PCDHGB4: variants seen among roughly 807,000 people sequenced by gnomAD.
PCDHGB4 encodes the protein protocadherin gamma-B4.
Under a neutral mutation model 60.5 loss-of-function variants are expected in PCDHGB4, and 38 were observed. The observed-to-expected ratio is 0.63, with a 90% confidence interval of 0.48 to 0.82. PCDHGB4 has a LOEUF of 0.82. PCDHGB4 is among the 40% of genes least tolerant of loss of function. The probability of loss-of-function intolerance (pLI) is 0.00; values close to 1 mark genes in which losing one functional copy is unlikely to be tolerated. For synonymous variants in PCDHGB4, 456 were observed against 509.7 expected (o/e 0.89, Z 1.42); for missense variants, 1,109 against 1,209.6 (o/e 0.92, Z 1.23).
chr5:141,404,759 T>C, intron 1 of PCDHGB4: 2 of 1,613,632 alleles, frequency 1.2e-6, no homozygotes, highest in Non-Finnish European at 1.7e-6. Flanking sequence ...CCAGAATGCT[T>C]GGCTCTCCTA....
intron 1 of PCDHGB4, chr5:141,398,682 A>G (rs767093587): frequency 1.4e-5 from 23 of 1,613,842 alleles, no homozygotes; most frequent in Non-Finnish European, 1.9e-5. Flanking sequence ...TTAAGGAGAA[A>G]CAGGATGGTA....
chr5:141,413,302 T>C (rs746274089), intron 1 of PCDHGB4: 2 of 1,613,960 alleles, frequency 1.2e-6, no homozygotes, highest in Non-Finnish European at 8.5e-7. Context: ...TCCTGAGGAA[T>C]TAGAGAAAGG....
chr5:141,406,796 T>C (rs1010773625), intron 1 of PCDHGB4, among the ~76,000 whole-genome samples: 7 of 152,362 alleles, frequency 4.6e-5, no homozygotes, highest in Admixed American at 1.3e-4. Flanking sequence ...TATTTCTGGC[T>C]CAATTCTCCA....
chr5:141,438,635 T>C (rs1325567714), intron 1 of PCDHGB4, among the ~76,000 whole-genome samples: 9 of 33,420 alleles, frequency 2.7e-4, no homozygotes, highest in East Asian at 1.8e-3. Flanking sequence ...TATATATATA[T>C]ACACACACAC....
chr5:141,434,795 T>C (rs1027924206), intron 1 of PCDHGB4, among the ~76,000 whole-genome samples: 2 of 152,004 alleles, frequency 1.3e-5, no homozygotes, highest in African/African-American at 2.4e-5. Context: ...TTTTTTTTTC[T>C]GAGCTTGGAG....
chr5:141,458,394 T>A (rs2098944697), intron 1 of PCDHGB4, among the ~76,000 whole-genome samples: 1 of 152,062 alleles, frequency 6.6e-6, no homozygotes, highest in African/African-American at 2.4e-5. Context: ...ACGCTCCCCC[T>A]TGCAGAGACG....
rs2091455947 is a variant in PCDHGB4, at chr5:141,388,692, G to A, written c.808G>A (p.Asp270Asn). 6.2e-7 allele frequency: 1 copy of A among 1,613,870 alleles called. No individual in the cohort carries two copies. The highest frequency in any genetic ancestry group is 8.5e-7 in the Non-Finnish European group (1 of 1,179,894). ...TVLQVTATDQ[D>N]EGVNAEITFS... is the part of the protein sequence containing the mutation. ...GCTACAGGTGACTGCCACGGACCAG[G>A]ATGAGGGTGTCAATGCCGAGATTAC... The change falls in exon 1 of 4, where the codon GAT (aspartate) becomes AAT (asparagine). Residue 270 changes from aspartate (D) to asparagine (N), a missense_variant. Around this residue, in one of 2 missense-constraint regions of PCDHGB4, gnomAD observed 1,068 missense variants for 1,089.9 expected, o/e 0.98. Coordinates refer to ENST00000519479, the MANE Select transcript of PCDHGB4 (RefSeq NM_003736.4).
At chr5:141,398,797 G>A (rs1338071296) in intron 1 of PCDHGB4, 2 of 1,613,898 alleles carry the variant, frequency 1.2e-6, no homozygotes, top group South Asian at 1.1e-5. Flanking sequence ...ACCCCTAAGC[G>A]GCACCACTGA....
rs901735153 is a variant in PCDHGB4, at chr5:141,388,379, C to T, written c.495C>T (p.Asn165=). 6.2e-7 allele frequency: 1 copy of T among 1,613,998 alleles called. No homozygotes were observed. The highest frequency in any genetic ancestry group is 1.1e-5 in the South Asian group (1 of 91,082). The change falls in exon 1 of 4, where the codon AAC becomes AAT. Residue 165 remains asparagine (N), a synonymous_variant. Coordinates refer to ENST00000519479, the MANE Select transcript of PCDHGB4 (RefSeq NM_003736.4). ...CCCATGATGCGGATATTGGTAGCAA[C>T]ACACTGCAGAATTACCAACTCAGTC... ...GSAHDADIGS[N]TLQNYQLSPS...
At chr5:141,454,313 G>A (rs986902404) in intron 1 of PCDHGB4, among the ~76,000 whole-genome samples, 1 of 152,296 alleles carries the variant, frequency 6.6e-6, no homozygotes, top group Non-Finnish European at 1.5e-5. Context: ...TCAAAGCATT[G>A]AAACCTCCAA....
At chr5:141,413,990 A>G (rs1179968710) in intron 1 of PCDHGB4, 6 of 1,613,434 alleles carry the variant, frequency 3.7e-6, no homozygotes, top group Admixed American at 1.7e-5. Context: ...ACAGCCACCG[A>G]CAGGGACGAA....
chr5:141,460,608 T>A (rs2098993153), intron 1 of PCDHGB4, among the ~76,000 whole-genome samples: 1 of 152,186 alleles, frequency 6.6e-6, no homozygotes, highest in Non-Finnish European at 1.5e-5. Context: ...CTGTGTTAGA[T>A]GGATAGATAG....
At chr5:141,398,293 T>A in intron 1 of PCDHGB4, 1 of 1,383,344 alleles carries the variant, frequency 7.2e-7, no homozygotes, top group Non-Finnish European at 9.9e-7. Flanking sequence ...GGACCTGGGG[T>A]TCAGCGTCCA....
intron 1 of PCDHGB4, chr5:141,418,237 T>G (rs1470328670): frequency 6.2e-7 from 1 of 1,614,044 alleles, no homozygotes. Context: ...TTGAGGATGT[T>G]AATGACCACG....
At chr5:141,449,273 C>T (rs1168190907) in intron 1 of PCDHGB4, among the ~76,000 whole-genome samples, 1 of 151,982 alleles carries the variant, frequency 6.6e-6, no homozygotes, top group Non-Finnish European at 1.5e-5. Flanking sequence ...ACTGTATCTC[C>T]TTCACCCGGA....
Position 141,489,273 on chromosome 5 carries a change from G to GA in PCDHGB4, c.2398-5531dup. The GA allele has an allele frequency of 6.4e-7, 1 of 1,555,870 alleles. No individual in the cohort carries two copies. The highest frequency in any genetic ancestry group is 2.2e-5 in the East Asian group (1 of 44,466). On this transcript the variant is annotated intron_variant, in intron 1 of 3. Coordinates refer to ENST00000519479, the MANE Select transcript of PCDHGB4 (RefSeq NM_003736.4). The surrounding 1 kb of genome is among the most constrained non-coding windows in gnomAD (Gnocchi z 4.5). ...CCAAGACACTCCCACAGCTCGCTGG[G>GA]AAATGGCAAGTGCTGTGCATGTTGT...
chr5:141,394,150 A>C (rs781168813), intron 1 of PCDHGB4: 2 of 1,613,798 alleles, frequency 1.2e-6, no homozygotes, highest in East Asian at 4.5e-5. Context: ...GCAGACATTA[A>C]CGACAACCCT....
At chr5:141,392,750 G>C in intron 1 of PCDHGB4, 1 of 1,451,824 alleles carries the variant, frequency 6.9e-7, no homozygotes, top group Non-Finnish European at 9.1e-7. Flanking sequence ...GCTGCGGCAA[G>C]AAACTAAATA....
chr5:141,407,938 GC>G, intron 1 of PCDHGB4: 1 of 510,154 alleles, frequency 2.0e-6, no homozygotes, highest in Non-Finnish European at 3.3e-6. Context: ...GCCTCTGGGC[GC>G]CGCTGTCGGC....
Sources: gnomAD v4.1 joint callset for allele counts (sites outside exome capture counted in the v4.1 genomes callset) on GRCh38, gnomAD v4.1.1 for gene constraint, gnomAD v4.1.1 regional missense constraint, Gnocchi (gnomAD v3.1) non-coding constraint, MANE v1.5 for transcripts, NCBI Gene and HGNC (gene_info 2026-07-23, HGNC 2026-07-21) for gene names.